The following PUDP variants were observed in gnomAD, a reference collection of about 807,000 sequenced individuals.
PUDP encodes the protein pseudouridine 5'-phosphatase.
Under a neutral mutation model 9.4 loss-of-function variants are expected in PUDP, and 8 were observed. The observed-to-expected ratio is 0.85, with a 90% CI of 0.50 to 1.53. The LOEUF (loss-of-function observed/expected upper bound fraction) is 1.53. Ranked by LOEUF, PUDP falls within the 40% of genes most tolerant of loss-of-function variation. The pLI is 0.00. For missense variants in PUDP, 188 were observed against 189.7 expected (o/e 0.99, Z 0.05); for synonymous variants, 99 against 80.7 (o/e 1.23, Z -1.22).
intron 1 of PUDP, among the ~76,000 whole-genome samples, chrX:7,023,974 C>G (rs1219575548): frequency 6.3e-5 from 7 of 111,879 alleles, no homozygotes; most frequent in African/African-American, 2.3e-4. Context: ...ATTTCTGAAG[C>G]TACTGAAAAT....
In PUDP at chrX:7,146,842, T is replaced by G. The variant is rs761373760; in HGVS notation, c.61+1211A>C. Among the ~76,000 whole-genome samples, 37 of 104,340 alleles carry G rather than the reference T, an allele frequency of 3.5e-4. No homozygotes were observed. The South Asian group carries it at 8.3e-3, about 23-fold the overall frequency. 90.6% of individuals were successfully genotyped at this position (104,340 alleles called of 115,157 possible). On this transcript the variant is annotated intron_variant, in intron 1 of 3. Transcript: ENST00000381077. ...ACCTCTCTGAGCTGCAGGGTTTTTT[T>G]TTTTTTTTTTTTTTTAATTAGTGAC...
At chrX:7,122,801 A>G (rs1484055957) in intron 1 of PUDP, among the ~76,000 whole-genome samples, 2 of 112,510 alleles carry the variant, frequency 1.8e-5, no homozygotes, top group Non-Finnish European at 3.7e-5. Context: ...TGAGATTATT[A>G]CTAGAGTTAC....
chrX:7,053,712 G>A (rs193093588), intron 3 of PUDP, among the ~76,000 whole-genome samples: 4 of 111,327 alleles, frequency 3.6e-5, no homozygotes, highest in African/African-American at 6.5e-5. Context: ...TGTGAAAATG[G>A]ACTAATACAG....
intron 3 of PUDP, among the ~76,000 whole-genome samples, chrX:6,910,473 T>C (rs1927832974): frequency 9.0e-6 from 1 of 110,603 alleles, no homozygotes; most frequent in African/African-American, 3.3e-5. Flanking sequence ...CATATTCAGG[T>C]TTTACAAGTC....
At chrX:6,937,402 A>G in intron 3 of PUDP, among the ~76,000 whole-genome samples, 1 of 108,431 alleles carries the variant, frequency 9.2e-6, no homozygotes, top group Non-Finnish European at 1.9e-5. Flanking sequence ...TATTTAGTAA[A>G]TGGTGCTGGG....
chrX:7,085,666 T>G (rs5978904), intron 2 of PUDP, among the ~76,000 whole-genome samples: 1 of 111,019 alleles, frequency 9.0e-6, no homozygotes, highest in South Asian at 3.8e-4. Context: ...TAAAAACATA[T>G]GCTGATGCAT....
At chrX:6,869,613 G>A (rs1927142597) in intron 3 of PUDP, among the ~76,000 whole-genome samples, 1 of 111,096 alleles carries the variant, frequency 9.0e-6, no homozygotes, top group South Asian at 3.8e-4. Flanking sequence ...TTACAATCCA[G>A]CCTTAAAAGT....
intron 3 of PUDP, among the ~76,000 whole-genome samples, chrX:6,728,890 C>G (rs1423116463): frequency 9.0e-6 from 1 of 111,477 alleles, no homozygotes; most frequent in Non-Finnish European, 1.9e-5. Flanking sequence ...TTGGACTCCT[C>G]TGGCTGTGAC....
intron 2 of PUDP, among the ~76,000 whole-genome samples, chrX:7,096,340 T>C (rs775132517): frequency 3.6e-5 from 4 of 111,631 alleles, no homozygotes; most frequent in Non-Finnish European, 5.6e-5. Flanking sequence ...TAGGTGAGCA[T>C]ATCTCTGTGT....
At chrX:7,010,202 G>A (rs1929458125) in intron 1 of PUDP, among the ~76,000 whole-genome samples, 2 of 111,616 alleles carry the variant, frequency 1.8e-5, no homozygotes, top group Non-Finnish European at 3.8e-5. Context: ...GTAGGAGAAG[G>A]CTAATCCATC....
Position 6,942,409 on chromosome X carries a change from G to A in PUDP, c.*247+34724C>T, listed in dbSNP as rs1256667551. Among the ~76,000 whole-genome samples the A allele has an allele frequency of 2.7e-5, 3 of 111,560 alleles. No individual in the cohort carries two copies. In the East Asian group the frequency reaches 8.5e-4, roughly 31 times the overall value. ...AGGCCCTAGTTTCCTACAATCTTAA[G>A]ATGACAGACTTCCTTTACGTAATCT... is the stretch of plus-strand genomic sequence containing the variant. On this transcript the variant is annotated intron_variant and NMD_transcript_variant, in intron 3 of 3. Coordinates refer to the PUDP transcript ENST00000655425.
At chrX:6,887,704 T>C (rs1927450645) in intron 3 of PUDP, among the ~76,000 whole-genome samples, 1 of 112,071 alleles carries the variant, frequency 8.9e-6, no homozygotes, top group Non-Finnish European at 1.9e-5. Context: ...TTAGTAACAA[T>C]GCCTTGTTAT....
chrX:6,837,407 T>C (rs764201480), intron 3 of PUDP, among the ~76,000 whole-genome samples: 6 of 113,158 alleles, frequency 5.3e-5, no homozygotes, highest in African/African-American at 1.9e-4. Context: ...AATGGCATGA[T>C]GGAGCTTTCT....
Position 6,739,648 on chromosome X carries a change from C to G in PUDP, c.*248-33182G>C, listed in dbSNP as rs12014887. Reference sequence around the variant, plus strand: ...TCAATAGTGTCAAGGCTGAGAAGCCCTAGAAAGAGAACAGTAGGATAAAGA... The same window carrying G: ...TCAATAGTGTCAAGGCTGAGAAGCCGTAGAAAGAGAACAGTAGGATAAAGA... On this transcript the variant is annotated intron_variant and NMD_transcript_variant, in intron 3 of 3. Transcript: ENST00000655425. Among the ~76,000 whole-genome samples, 179 of 111,674 alleles carry G rather than the reference C, an allele frequency of 1.6e-3. 2 individuals carry two copies. The highest frequency in any genetic ancestry group is 5.5e-3 in the African/African-American group (168 of 30,814).
chrX:6,787,090 C>T (rs1021838822), intron 3 of PUDP, among the ~76,000 whole-genome samples: 7 of 109,232 alleles, frequency 6.4e-5, no homozygotes, highest in African/African-American at 2.3e-4. Flanking sequence ...CAGCATGTCA[C>T]TGGTTAAATT....
chrX:6,770,933 CAGA>C (rs764444033), intron 3 of PUDP, among the ~76,000 whole-genome samples: 29 of 111,610 alleles, frequency 2.6e-4, no homozygotes, highest in African/African-American at 4.2e-4. Context: ...ATTTCCCTGA[CAGA>C]AGAAGAAGTC....
intron 3 of PUDP, among the ~76,000 whole-genome samples, chrX:7,071,531 C>T (rs1930731009): frequency 9.0e-6 from 1 of 111,112 alleles, no homozygotes; most frequent in South Asian, 3.8e-4. Context: ...TTGTTCTGTT[C>T]AGCACTAATC....
At chrX:6,869,757 G>A (rs72609568) in intron 3 of PUDP, among the ~76,000 whole-genome samples, 10,226 of 110,402 alleles carry the variant, frequency 0.093, 608 homozygotes, top group East Asian at 0.46. Context: ...TTACCCAGAA[G>A]GTAACAAAAG....
chrX:6,970,545 T>C (rs1928858143), intron 3 of PUDP, among the ~76,000 whole-genome samples: 3 of 111,406 alleles, frequency 2.7e-5, no homozygotes, highest in African/African-American at 9.8e-5. Context: ...GCCATAAGCA[T>C]TGAGCCCCTT....
Sources: gnomAD v4.1 joint callset for allele counts (sites outside exome capture counted in the v4.1 genomes callset) on GRCh38, gnomAD v4.1.1 for gene constraint, MANE v1.5 for transcripts, NCBI Gene and HGNC (gene_info 2026-07-23, HGNC 2026-07-21) for gene names.